The following PCDHA7 variants were observed in gnomAD, a reference collection of about 807,000 sequenced individuals.
The protein encoded by PCDHA7 is protocadherin alpha 7.
In PCDHA7, 37 loss-of-function variants were observed where a neutral mutation model predicts 57.2. The ratio of observed to expected loss-of-function variants is 0.65; its 90% CI spans 0.50 to 0.85. The LOEUF (loss-of-function observed/expected upper bound fraction) is 0.85. Ranked by LOEUF, PCDHA7 falls within the 40% of genes least tolerant of loss-of-function variation. The pLI, the probability that PCDHA7 is intolerant of heterozygous loss-of-function variation, is 0.00. For synonymous variants in PCDHA7, 553 were observed against 558.8 expected (o/e 0.99, Z 0.15); for missense variants, 1,188 against 1,241.8 (o/e 0.96, Z 0.65).
At chr5:140,929,391 A>T (rs1563116530) in intron 1 of PCDHA7, 3 of 1,511,404 alleles carry the variant, frequency 2.0e-6, no homozygotes, top group Non-Finnish European at 2.7e-6. Context: ...GTTTTGAAAT[A>T]TTTCTTAGAC....
intron 1 of PCDHA7, chr5:140,875,431 T>C (rs1554167634): frequency 1.3e-6 from 2 of 1,558,558 alleles, no homozygotes. Context: ...AAGCGATCCC[T>C]TAAAACTGAT....
chr5:140,906,615 T>C (rs2072789527), intron 1 of PCDHA7, among the ~76,000 whole-genome samples: 1 of 152,226 alleles, frequency 6.6e-6, no homozygotes, highest in Admixed American at 6.5e-5. Context: ...TGTATTCCCT[T>C]TGCCTTCAGC....
Position 140,873,293 on chromosome 5 carries a change from A to G in PCDHA7, c.2355+36555A>G, listed in dbSNP as rs189607123. Reference sequence around the variant, plus strand: ...ACCATCATACCACTTATGAAACTTTATAAATATAATAAAGGTGAATATTAG... The same window carrying G: ...ACCATCATACCACTTATGAAACTTTGTAAATATAATAAAGGTGAATATTAG... On this transcript the variant is annotated intron_variant, in intron 1 of 3. Transcript: ENST00000525929. Among the ~76,000 whole-genome samples, 54 of 152,366 alleles carry G rather than the reference A, an allele frequency of 3.5e-4. No homozygotes were observed. In the East Asian group the frequency reaches 0.01, roughly 29 times the overall value.
Position 140,895,372 on chromosome 5 carries a change from T to C in PCDHA7, c.2355+58634T>C, listed in dbSNP as rs112463980. Among the ~76,000 whole-genome samples, 883 of 152,294 alleles carry C rather than the reference T, an allele frequency of 5.8e-3. 7 individuals carry two copies. The highest frequency in any genetic ancestry group is 0.021 in the African/African-American group (855 of 41,558). On this transcript the variant is annotated intron_variant, in intron 1 of 3. Coordinates refer to ENST00000525929, the MANE Select transcript of PCDHA7 (RefSeq NM_018910.3). The stretch of plus-strand genomic sequence containing the variant: ...CCAGTGAGTACTTATTGGCACTTTT[T>C]GGAGTTCTTCAATTCTCAACACCAT...
At chr5:140,870,034 G>GA in intron 1 of PCDHA7, 6 of 1,613,690 alleles carry the variant, frequency 3.7e-6, no homozygotes, top group Non-Finnish European at 5.1e-6. Flanking sequence ...AGATTATGAA[G>GA]AAAACAAGTT....
At chr5:140,851,779 T>A in intron 1 of PCDHA7, 1 of 965,446 alleles carries the variant, frequency 1.0e-6, no homozygotes, top group South Asian at 4.8e-5. Flanking sequence ...TGAATTTAGA[T>A]GAGAATTCAC....
At chr5:140,887,829 G>A (rs2061597831) in intron 1 of PCDHA7, among the ~76,000 whole-genome samples, 1 of 151,932 alleles carries the variant, frequency 6.6e-6, no homozygotes, top group Non-Finnish European at 1.5e-5. Flanking sequence ...GCCTCATTTT[G>A]AATATCTTTT....
intron 1 of PCDHA7, among the ~76,000 whole-genome samples, chr5:140,937,761 A>C (rs868923892): frequency 6.6e-6 from 1 of 151,650 alleles, no homozygotes; most frequent in Non-Finnish European, 1.5e-5. Flanking sequence ...AAATACAAAA[A>C]ATTAGTCGGG....
chr5:140,968,652 ACCTGGACCT>A lies in PCDHA7; in HGVS notation c.2356-10295_2356-10287del, dbSNP rs1332508740. The A allele has an allele frequency of 1.9e-6, 3 of 1,614,000 alleles. No homozygotes were observed. In the African/African-American group the frequency reaches 4.0e-5, roughly 22 times the overall value. On this transcript the variant is annotated intron_variant, in intron 1 of 3. Transcript: ENST00000525929. ...TTTTACCATCTAGCCCAGACTTCTGACCTGGACCTCTTTAAGGTAGAGCTGCACACAGGA... is the reference window on the plus strand; with the variant it reads ...TTTTACCATCTAGCCCAGACTTCTGACTTTAAGGTAGAGCTGCACACAGGA...
chr5:140,890,702 A>G (rs552792120), intron 1 of PCDHA7, among the ~76,000 whole-genome samples: 1 of 152,318 alleles, frequency 6.6e-6, no homozygotes, highest in African/African-American at 2.4e-5. Flanking sequence ...GGGACCTTAC[A>G]TTTTTAAAAT....
At chr5:140,934,695 T>G (rs155824) in intron 1 of PCDHA7, among the ~76,000 whole-genome samples, 48,210 of 151,950 alleles carry the variant, frequency 0.32, 7,985 homozygotes, top group East Asian at 0.53. Flanking sequence ...ATGAATTGAT[T>G]CCTGGCCATC....
intron 1 of PCDHA7, chr5:140,856,511 G>A (rs1554148790): frequency 6.3e-7 from 1 of 1,598,478 alleles, no homozygotes; most frequent in Non-Finnish European, 8.6e-7. Context: ...TCCACTAGAA[G>A]GCGCATCTGA....
rs59031154 is a variant in PCDHA7 at position 140,884,790 on chromosome 5, T to C, written c.2355+48052T>C. ...TTAATTTTAATTTTGCTAGTTGTTATCGAATTTAACAACTCTGCTGTGGAC... is the reference window on the plus strand; with the variant it reads ...TTAATTTTAATTTTGCTAGTTGTTACCGAATTTAACAACTCTGCTGTGGAC... On this transcript the variant is annotated intron_variant, in intron 1 of 3. Transcript: ENST00000525929. 1.6e-3 allele frequency: 2,209 copies of C among 1,352,036 alleles called. 33 individuals are homozygous for C. In the African/African-American group the frequency reaches 0.03, roughly 18 times the overall value. The allele number at this position is 1,352,036 out of a possible 1,614,324, so 83.8% of individuals were successfully genotyped here.
intron 1 of PCDHA7, among the ~76,000 whole-genome samples, chr5:140,954,517 A>G (rs1554221451): frequency 6.6e-6 from 1 of 152,182 alleles, no homozygotes; most frequent in Non-Finnish European, 1.5e-5. Flanking sequence ...TTACCTAATG[A>G]TCAGTGATGT....
intron 1 of PCDHA7, chr5:140,882,791 A>G (rs1554175610): frequency 6.2e-7 from 1 of 1,614,254 alleles, no homozygotes; most frequent in South Asian, 1.1e-5. Context: ...ACTGGATCCC[A>G]ACGATTATTT....
In PCDHA7 at chr5:140,860,044, T is replaced by C. The variant is rs116974556; in HGVS notation, c.2355+23306T>C. On this transcript the variant is annotated intron_variant, in intron 1 of 3. Coordinates refer to ENST00000525929, the MANE Select transcript of PCDHA7 (RefSeq NM_018910.3). The stretch of plus-strand genomic sequence containing the variant: ...TGGCTCACACCTGTAATCCCAGCAT[T>C]TTGAGAGGCCAAGGTGGGAGGATGG... 10 of 151,928 alleles carry C rather than the reference T, an allele frequency of 6.6e-5. No homozygotes were observed. In the East Asian group the frequency reaches 1.9e-3, roughly 29 times the overall value. 9.4% of individuals were successfully genotyped at this position (151,928 alleles called of 1,614,324 possible).
intron 1 of PCDHA7, among the ~76,000 whole-genome samples, chr5:140,951,923 T>C (rs538525528): frequency 6.6e-6 from 1 of 152,214 alleles, no homozygotes; most frequent in South Asian, 2.1e-4. Flanking sequence ...ACAAGTTAGT[T>C]ACTCCCAAGA....
intron 1 of PCDHA7, among the ~76,000 whole-genome samples, chr5:140,973,993 G>T (rs1554235720): frequency 6.6e-6 from 1 of 152,122 alleles, no homozygotes. Flanking sequence ...ACTTCACCTG[G>T]ATCAATGTTT....
intron 1 of PCDHA7, chr5:140,882,561 G>T (rs2059195927): frequency 1.2e-6 from 2 of 1,614,222 alleles, no homozygotes; most frequent in East Asian, 4.5e-5. Context: ...CTGTGTGGGC[G>T]GAGCGCGGAG....
Sources: allele counts gnomAD v4.1 joint callset (sites outside exome capture counted in the v4.1 genomes callset), GRCh38; gene constraint gnomAD v4.1.1; transcripts MANE v1.5; gene names NCBI Gene and HGNC (gene_info 2026-07-23, HGNC 2026-07-21).